Variants in NR3C2 observed in about 807,000 individuals in gnomAD.
NR3C2 encodes mineralocorticoid receptor.
NR3C2 carries 15 observed loss-of-function variants against 86.4 expected under a neutral mutation model. The observed-to-expected ratio is 0.17, with a 90% CI of 0.12 to 0.27. The LOEUF (loss-of-function observed/expected upper bound fraction) is 0.27. Among genes scored for constraint, NR3C2 ranks in the 10% least tolerant of loss-of-function variants. The pLI, the probability that NR3C2 is intolerant of heterozygous loss-of-function variation, is 1.00. For synonymous variants in NR3C2, 458 were observed against 450.5 expected (o/e 1.02, Z -0.21); for missense variants, 960 against 1,195.6 (o/e 0.80, Z 2.91).
At chr4:148,379,059 A>T (rs1035817494) in intron 2 of NR3C2, among the ~76,000 whole-genome samples, 12 of 152,218 alleles carry the variant, frequency 7.9e-5, no homozygotes, top group African/African-American at 2.9e-4. Context: ...ACAATATGAT[A>T]CATGAAGATT....
chr4:148,312,776 T>C (rs1299901863), intron 2 of NR3C2, among the ~76,000 whole-genome samples: 2 of 152,208 alleles, frequency 1.3e-5, no homozygotes, highest in African/African-American at 2.4e-5. Flanking sequence ...ATAATCAGAC[T>C]TTCTAAGTTG....
chr4:148,154,733 G>C lies in NR3C2; in HGVS notation c.2183C>G (p.Ser728Cys). ...SVNTALVPQLSTISRALTPSP... is the reference protein window; with the variant it reads ...SVNTALVPQLCTISRALTPSP... ...AGGTGTGAGCGCTCGTGAGATTGTG[G>C]AGAGCTGAGGAACCAGTGCTGTGTT... is the stretch of plus-strand genomic sequence containing the variant. Residue 728 changes from serine to cysteine, a missense_variant, in exon 5 of 9, where the codon TCC becomes TGC. Transcript: ENST00000358102. The C allele has an allele frequency of 1.2e-6, 2 of 1,609,848 alleles. No homozygotes were observed. Among genetic ancestry groups the C allele is most frequent in the Non-Finnish European group, 1.7e-6 (2 of 1,177,858 alleles).
chr4:148,215,757 T>C (rs937049324), intron 3 of NR3C2, among the ~76,000 whole-genome samples: 1 of 151,310 alleles, frequency 6.6e-6, no homozygotes, highest in Non-Finnish European at 1.5e-5. Flanking sequence ...AAATAGTAAA[T>C]ATTTTAGGCT....
chr4:148,195,695 T>C (rs1166132685), intron 3 of NR3C2, among the ~76,000 whole-genome samples: 1 of 152,128 alleles, frequency 6.6e-6, no homozygotes, highest in Non-Finnish European at 1.5e-5. Flanking sequence ...AGTCTAACAG[T>C]GTGGACATCT....
At chr4:148,215,040 A>G (rs189623703) in intron 3 of NR3C2, among the ~76,000 whole-genome samples, 3 of 152,302 alleles carry the variant, frequency 2.0e-5, no homozygotes, top group Admixed American at 1.3e-4. Context: ...CCGAAGCCCT[A>G]CTGGGCAGGA....
rs1191638928 is a variant in NR3C2 at position 148,156,557 on chromosome 4, CTCA to C, written c.2015-1659_2015-1657del. Among the ~76,000 whole-genome samples, 25 of 152,216 alleles carry C rather than the reference CTCA, an allele frequency of 1.6e-4. No individual in the cohort carries two copies. The South Asian group carries it at 2.1e-3, about 13-fold the overall frequency. On this transcript the variant is annotated intron_variant, in intron 4 of 8. Transcript: ENST00000358102. ...CAGCCAAAAGACACAAGAAAAAATG[CTCA>C]TCATCACTGGCCATCAGAGAAATGC... is the stretch of plus-strand genomic sequence containing the variant.
At chr4:148,444,531 C>G, upstream of NR3C2, 1 of 986,802 alleles carries the variant, frequency 1.0e-6, no homozygotes, top group Non-Finnish European at 1.2e-6. Flanking sequence ...CTCACCTTTT[C>G]TAGGACATGG....
chr4:148,150,372 T>C (rs1560947482), intron 6 of NR3C2, among the ~76,000 whole-genome samples: 2 of 152,206 alleles, frequency 1.3e-5, no homozygotes, highest in Non-Finnish European at 2.9e-5. Flanking sequence ...TTTGTTAACA[T>C]TGAACTATAG....
At chr4:148,373,383 T>G (rs1746511074) in intron 2 of NR3C2, among the ~76,000 whole-genome samples, 1 of 152,184 alleles carries the variant, frequency 6.6e-6, no homozygotes, top group African/African-American at 2.4e-5. Context: ...TGCCTTACAT[T>G]CTTGTTATCC....
intron 3 of NR3C2, among the ~76,000 whole-genome samples, chr4:148,246,488 T>G (rs1202684633): frequency 6.6e-6 from 1 of 152,220 alleles, no homozygotes; most frequent in Non-Finnish European, 1.5e-5. Context: ...GTAGTCCAGT[T>G]AGCAACTGAG....
chr4:148,259,418 A>G (rs1739985607), intron 3 of NR3C2, among the ~76,000 whole-genome samples: 2 of 149,918 alleles, frequency 1.3e-5, no homozygotes, highest in Admixed American at 6.7e-5. Flanking sequence ...AACTGTGCAT[A>G]GTGAATCTCA....
chr4:148,385,675 T>C (rs72656887), intron 2 of NR3C2, among the ~76,000 whole-genome samples: 38 of 152,192 alleles, frequency 2.5e-4, no homozygotes, highest in African/African-American at 4.3e-4. Flanking sequence ...AAGACAGATA[T>C]ACAATTTCAT....
intron 6 of NR3C2, among the ~76,000 whole-genome samples, chr4:148,128,238 G>T (rs898041606): frequency 2.6e-5 from 4 of 152,106 alleles, no homozygotes; most frequent in African/African-American, 7.2e-5. Context: ...CAACCGTGTT[G>T]CCCTATTTCA....
chr4:148,194,326 T>A (rs887668750), intron 4 of NR3C2, among the ~76,000 whole-genome samples: 5 of 152,222 alleles, frequency 3.3e-5, no homozygotes, highest in Non-Finnish European at 5.9e-5. Context: ...AAAGCTTTTT[T>A]CATATATATC....
At chr4:148,103,156 T>C (rs1731618199) in intron 8 of NR3C2, among the ~76,000 whole-genome samples, 2 of 152,316 alleles carry the variant, frequency 1.3e-5, no homozygotes, top group African/African-American at 4.8e-5. Flanking sequence ...AGCTAAGCAG[T>C]CTTTTCCCTT....
rs142380107 is a variant in NR3C2, at chr4:148,418,964, T to C, written c.1757+16140A>G. ...CCAAGATTACTCTGACTCCTGATAA[T>C]ATCCTCCCTAGAGGATGCTATCTCT... is the stretch of plus-strand genomic sequence containing the variant. On this transcript the variant is annotated intron_variant, in intron 2 of 8. Transcript: ENST00000358102. Among the ~76,000 whole-genome samples the C allele has an allele frequency of 2.0e-5, 3 of 152,322 alleles. No homozygotes were observed. In the East Asian group the frequency reaches 5.8e-4, roughly 29 times the overall value.
At chr4:148,391,160 T>C (rs1460557691) in intron 2 of NR3C2, among the ~76,000 whole-genome samples, 1 of 152,198 alleles carries the variant, frequency 6.6e-6, no homozygotes, top group East Asian at 1.9e-4. Context: ...CCCACACATA[T>C]TTATAAACCA....
At chr4:148,266,074 G>GC (rs1272770592) in intron 2 of NR3C2, among the ~76,000 whole-genome samples, 4 of 110,442 alleles carry the variant, frequency 3.6e-5, no homozygotes, top group South Asian at 3.4e-4. Flanking sequence ...CCAGAAGGCC[G>GC]CTTTTTTTTT....
chr4:148,145,808 C>CT (rs1733841556), intron 6 of NR3C2, among the ~76,000 whole-genome samples: 1 of 152,010 alleles, frequency 6.6e-6, no homozygotes, highest in African/African-American at 2.4e-5. Flanking sequence ...TTCTTTTAAA[C>CT]TTTATTCCCT....
Sources: allele counts gnomAD v4.1 joint callset (sites outside exome capture counted in the v4.1 genomes callset), GRCh38; gene constraint gnomAD v4.1.1; transcripts MANE v1.5; gene names NCBI Gene and HGNC (gene_info 2026-07-23, HGNC 2026-07-21).